The following CWC25 variants were observed in gnomAD, a reference collection of about 807,000 sequenced individuals.
CWC25 encodes the protein pre-mRNA-splicing factor CWC25 homolog.
CWC25 carries 31 observed loss-of-function variants against 54.6 expected under a neutral mutation model. That is an observed-to-expected ratio of 0.57 (90% CI 0.43 to 0.77). The LOEUF (loss-of-function observed/expected upper bound fraction) is 0.77. CWC25 is among the 30% of genes least tolerant of loss of function. The probability of loss-of-function intolerance (pLI) is 0.00; values close to 1 mark genes in which losing one functional copy is unlikely to be tolerated. For missense variants in CWC25, 453 were observed against 529.3 expected (o/e 0.86, Z 1.41); for synonymous variants, 151 against 187.0 (o/e 0.81, Z 1.57).
intron 9 of CWC25, 75 bp from the exon 10 acceptor site, chr17:38,802,281 A>G: frequency 2.0e-6 from 2 of 1,015,696 alleles, no homozygotes; most frequent in Non-Finnish European, 3.0e-6. Flanking sequence ...CTTCAGAAGA[A>G]ATGGGTTGTT....
rs532254126 is a variant in CWC25 at position 38,816,227 on chromosome 17, G to C, written c.192-1130C>G. Among the ~76,000 whole-genome samples, 4 of 152,182 alleles carry C rather than the reference G, an allele frequency of 2.6e-5. No individual in the cohort carries two copies. The East Asian group carries it at 7.7e-4, about 29-fold the overall frequency. ...TATTATCTATAACCTGAAATTAAAT[G>C]CTTTTTGAATATGACTTTTTTGTTC... On this transcript the variant is annotated intron_variant, in intron 2 of 9. Transcript: ENST00000614790.
intron 2 of CWC25, among the ~76,000 whole-genome samples, chr17:38,817,716 G>A (rs1835137621): frequency 6.6e-6 from 1 of 152,100 alleles, no homozygotes; most frequent in Non-Finnish European, 1.5e-5. Flanking sequence ...GAACTCAAGA[G>A]GCGGAGGTTA....
At chr17:38,809,562 C>T (rs1045720235) in intron 6 of CWC25, 140 bp downstream of exon 6, 2 of 660,792 alleles carry the variant, frequency 3.0e-6, no homozygotes, top group Non-Finnish European at 5.2e-6. Flanking sequence ...TCATCAGCCA[C>T]AAGAAGGTGC....
chr17:38,810,651 G>A (rs1468392064), intron 4 of CWC25, 56 bp from the exon 5 acceptor site: 1 of 872,424 alleles, frequency 1.1e-6, no homozygotes, highest in Non-Finnish European at 1.9e-6. Context: ...CCAGCGCAGT[G>A]GCTCATGCCT....
intron 6 of CWC25, among the ~76,000 whole-genome samples, chr17:38,807,580 A>C (rs1911305710): frequency 7.2e-6 from 1 of 138,920 alleles, no homozygotes. Context: ...AACTAGTGAG[A>C]CCTTGTCTCT....
intron 8 of CWC25, among the ~76,000 whole-genome samples, chr17:38,805,997 A>G (rs1219031239): frequency 6.6e-6 from 1 of 151,982 alleles, no homozygotes; most frequent in Non-Finnish European, 1.5e-5. Context: ...TTTTTAGTAG[A>G]GATGGGGTTT....
chr17:38,809,926 A>C (rs1367422342), intron 5 of CWC25, 161 bp from the exon 6 acceptor site: 2 of 616,494 alleles, frequency 3.2e-6, no homozygotes, highest in Admixed American at 6.4e-5. Context: ...CTATGCCGAA[A>C]AATGCATCAG....
At chr17:38,807,097 G>A (rs1171246833) in intron 6 of CWC25, 121 bp from the exon 7 acceptor site, 1 of 667,448 alleles carries the variant, frequency 1.5e-6, no homozygotes, top group African/African-American at 1.9e-5. Context: ...CGAGGCGGGG[G>A]GGATCACCTG....
chr17:38,809,033 G>A (rs1275745154), intron 6 of CWC25, among the ~76,000 whole-genome samples: 2 of 149,618 alleles, frequency 1.3e-5, no homozygotes, highest in Non-Finnish European at 3.0e-5. Flanking sequence ...GATTGCTTAA[G>A]CTCAGGAGTT....
At chr17:38,808,055 C>CAAAAAAAAAA (rs61226105) in intron 6 of CWC25, among the ~76,000 whole-genome samples, 3 of 52,730 alleles carry the variant, frequency 5.7e-5, no homozygotes, top group Non-Finnish European at 1.2e-4. Flanking sequence ...GACTCCATCT[C>CAAAAAAAAAA]AAAAAAAAAA....
intron 8 of CWC25, 43 bp downstream of exon 8, chr17:38,806,254 C>G (rs1461384228): frequency 6.6e-7 from 1 of 1,515,824 alleles, no homozygotes; most frequent in Non-Finnish European, 9.1e-7. Flanking sequence ...CTTCTAGATT[C>G]AGGCCTGCAA....
At chr17:38,803,553 C>T (rs60155725) in intron 8 of CWC25, among the ~76,000 whole-genome samples, 3,951 of 152,038 alleles carry the variant, frequency 0.026, 195 homozygotes, top group African/African-American at 0.09. Context: ...TCGCTTGAAC[C>T]GAGGAGGCGG....
At chr17:38,805,109 GAA>G (rs34134200) in intron 8 of CWC25, among the ~76,000 whole-genome samples, 3 of 116,040 alleles carry the variant, frequency 2.6e-5, no homozygotes, top group African/African-American at 3.2e-5. Flanking sequence ...CTCCATCTCA[GAA>G]AAAAAAAAAA....
intron 8 of CWC25, 147 bp downstream of exon 8, chr17:38,806,150 A>G: frequency 2.9e-6 from 2 of 691,836 alleles, no homozygotes; most frequent in Non-Finnish European, 5.0e-6. Context: ...GGCTGGAGGC[A>G]GGGGACGCAG....
chr17:38,824,077 C>T (rs1321822895), intron 1 of CWC25, among the ~76,000 whole-genome samples: 1 of 152,200 alleles, frequency 6.6e-6, no homozygotes, highest in Non-Finnish European at 1.5e-5. Context: ...CTGGCACTCA[C>T]TGTGATTGAG....
At chr17:38,820,696 C>T (rs1911886513) in intron 2 of CWC25, among the ~76,000 whole-genome samples, 2 of 152,152 alleles carry the variant, frequency 1.3e-5, no homozygotes, top group African/African-American at 4.8e-5. Context: ...ATTATTACTC[C>T]CTGGTCCTAC....
chr17:38,815,423 G>A (rs984984001), intron 2 of CWC25, among the ~76,000 whole-genome samples: 9 of 152,166 alleles, frequency 5.9e-5, no homozygotes, highest in African/African-American at 2.2e-4. Context: ...CAGGCGTGGT[G>A]GCGGACGCCT....
chr17:38,824,646 A>G (rs1299548049), intron 1 of CWC25, among the ~76,000 whole-genome samples: 1 of 149,284 alleles, frequency 6.7e-6, no homozygotes, highest in African/African-American at 2.5e-5. Flanking sequence ...AGATCGCGCC[A>G]TGGCACTCCA....
chr17:38,823,816 T>G (rs1007439374), intron 1 of CWC25, among the ~76,000 whole-genome samples: 1 of 152,214 alleles, frequency 6.6e-6, no homozygotes, highest in African/African-American at 2.4e-5. Flanking sequence ...GAGTCATTTT[T>G]GGCTGTCACA....
Sources: allele counts gnomAD v4.1 joint callset (sites outside exome capture counted in the v4.1 genomes callset), GRCh38; gene constraint gnomAD v4.1.1; transcripts MANE v1.5; gene names NCBI Gene and HGNC (gene_info 2026-07-23, HGNC 2026-07-21).